Variants in RGS5 observed in about 807,000 individuals in gnomAD.
The protein encoded by RGS5 is regulator of G protein signaling 5.
Under a neutral mutation model 18.9 loss-of-function variants are expected in RGS5, and 20 were observed. The ratio of observed to expected loss-of-function variants is 1.06; its 90% CI spans 0.74 to 1.54. The LOEUF (loss-of-function observed/expected upper bound fraction) is 1.54. Among genes scored for constraint, RGS5 ranks in the 40% most tolerant of loss-of-function variants. RGS5 has a pLI of 0.00. For synonymous variants in RGS5, 57 were observed against 76.2 expected (o/e 0.75, Z 1.31); for missense variants, 201 against 211.8 (o/e 0.95, Z 0.32).
At chr1:163,267,522 A>G (rs1266367387) in intron 2 of RGS5, among the ~76,000 whole-genome samples, 1 of 152,112 alleles carries the variant, frequency 6.6e-6, no homozygotes, top group Admixed American at 6.6e-5. Flanking sequence ...CCTCATGTCT[A>G]TATGTCATCC....
intron 2 of RGS5, among the ~76,000 whole-genome samples, chr1:163,282,548 C>T (rs1020742727): frequency 1.4e-4 from 22 of 151,910 alleles, no homozygotes; most frequent in African/African-American, 5.3e-4. Context: ...TCTATGAAAA[C>T]ATTTTTTAAA....
chr1:163,288,074 T>C (rs768619363), intron 2 of RGS5, among the ~76,000 whole-genome samples: 27 of 152,024 alleles, frequency 1.8e-4, no homozygotes, highest in African/African-American at 3.4e-4. Flanking sequence ...TTCTAGAAAT[T>C]AGATAAATTT....
chr1:163,170,300 C>T (rs953589352), intron 1 of RGS5, among the ~76,000 whole-genome samples: 8 of 152,174 alleles, frequency 5.3e-5, no homozygotes, highest in Admixed American at 4.6e-4. Flanking sequence ...AACCCCTGTG[C>T]CTAGCACAAT....
At chr1:163,298,074 C>T (rs1212136926) in intron 2 of RGS5, among the ~76,000 whole-genome samples, 2 of 151,670 alleles carry the variant, frequency 1.3e-5, no homozygotes, top group Admixed American at 1.3e-4. Context: ...CTTTAATTTC[C>T]TTGTTTGATA....
chr1:163,308,053 C>G (rs537256354), intron 1 of RGS5, among the ~76,000 whole-genome samples: 2 of 152,256 alleles, frequency 1.3e-5, no homozygotes, highest in South Asian at 4.1e-4. Flanking sequence ...GTTTAAAGTT[C>G]CTAAACCCAG....
chr1:163,227,604 G>A (rs1198963133), intron 2 of RGS5, among the ~76,000 whole-genome samples: 1 of 136,242 alleles, frequency 7.3e-6, no homozygotes, highest in Non-Finnish European at 1.5e-5. Context: ...CAAATCTCAT[G>A]TCCTCACATT....
At chr1:163,223,100 C>T (rs1647265207) in intron 2 of RGS5, among the ~76,000 whole-genome samples, 1 of 152,252 alleles carries the variant, frequency 6.6e-6, no homozygotes, top group East Asian at 1.9e-4. Context: ...CCACCTCGGT[C>T]TCTCAAAGTG....
intron 3 of RGS5, among the ~76,000 whole-genome samples, chr1:163,159,017 C>A (rs528133865): frequency 6.6e-6 from 1 of 152,150 alleles, no homozygotes; most frequent in Non-Finnish European, 1.5e-5. Context: ...AAGAATTCAG[C>A]GATATTTCTC....
intron 2 of RGS5, among the ~76,000 whole-genome samples, chr1:163,303,614 G>A (rs965705572): frequency 3.5e-4 from 53 of 152,156 alleles, no homozygotes; most frequent in African/African-American, 1.3e-3. Context: ...ACTCATTTGA[G>A]ACTGGCATTA....
At chr1:163,194,419 T>C (rs1426900485) in intron 1 of RGS5, among the ~76,000 whole-genome samples, 2 of 152,130 alleles carry the variant, frequency 1.3e-5, no homozygotes, top group Non-Finnish European at 1.5e-5. Flanking sequence ...ATACATGGTG[T>C]CCCAATTCAG....
At position 163,209,113 on chromosome 1, in the gene RGS5, T is replaced by C. The variant is rs1002056677; in HGVS notation, c.69+8413A>G. ...TTCTATGATTGCAGTGAATTAAAACTAGATGTGATTAACAAAACCAAAAAG... is the reference window on the plus strand; with the variant it reads ...TTCTATGATTGCAGTGAATTAAAACCAGATGTGATTAACAAAACCAAAAAG... On this transcript the variant is annotated intron_variant, in intron 1 of 5. Coordinates refer to the RGS5 transcript ENST00000367903. Among the ~76,000 whole-genome samples the C allele has an allele frequency of 3.9e-5, 6 of 152,282 alleles. 1 individual carries two copies. In the South Asian group the frequency reaches 1.0e-3, roughly 26 times the overall value.
At chr1:163,268,493 T>G (rs1648629981) in intron 2 of RGS5, among the ~76,000 whole-genome samples, 1 of 152,142 alleles carries the variant, frequency 6.6e-6, no homozygotes, top group Non-Finnish European at 1.5e-5. Flanking sequence ...CACCGAGGGC[T>G]AGCTAATTCC....
At chr1:163,152,486 G>C in intron 4 of RGS5, 64 bp downstream of exon 4, 1 of 1,507,174 alleles carries the variant, frequency 6.6e-7, no homozygotes. Flanking sequence ...CTGTGTCTCA[G>C]ATGTAAATCC....
At chr1:163,164,481 C>T (rs1657956340) in intron 2 of RGS5, among the ~76,000 whole-genome samples, 1 of 152,236 alleles carries the variant, frequency 6.6e-6, no homozygotes, top group African/African-American at 2.4e-5. Flanking sequence ...TCTCTTTTTA[C>T]TCTACTCTTA....
chr1:163,229,367 TG>T (rs1029973597), intron 2 of RGS5, among the ~76,000 whole-genome samples: 1 of 152,126 alleles, frequency 6.6e-6, no homozygotes, highest in Non-Finnish European at 1.5e-5. Flanking sequence ...GAGAACAGCA[TG>T]GGGGAAGCCT....
chr1:163,199,517 C>T (rs1008512032), intron 1 of RGS5, among the ~76,000 whole-genome samples: 16 of 152,082 alleles, frequency 1.1e-4, no homozygotes, highest in Admixed American at 9.8e-4. Flanking sequence ...GATATCCTTA[C>T]CCATTATATA....
chr1:163,289,382 T>C (rs1649222417), intron 2 of RGS5, among the ~76,000 whole-genome samples: 1 of 152,100 alleles, frequency 6.6e-6, no homozygotes, highest in African/African-American at 2.4e-5. Context: ...TCAGATACTT[T>C]GTATACTCTA....
At chr1:163,221,228 T>C (rs181107835), upstream of RGS5, among the ~76,000 whole-genome samples, 1 of 152,306 alleles carries the variant, frequency 6.6e-6, no homozygotes, top group Admixed American at 6.5e-5. Flanking sequence ...CCGGGCGCGG[T>C]GGCTCATTCC....
chr1:163,151,827 C>A (rs1657386743), intron 4 of RGS5, among the ~76,000 whole-genome samples: 1 of 152,150 alleles, frequency 6.6e-6, no homozygotes, highest in Non-Finnish European at 1.5e-5. Context: ...GGTTGAACAT[C>A]ACTTATCTGG....
Sources: allele counts gnomAD v4.1 joint callset (sites outside exome capture counted in the v4.1 genomes callset), GRCh38; gene constraint gnomAD v4.1.1; transcripts MANE v1.5; gene names NCBI Gene and HGNC (gene_info 2026-07-23, HGNC 2026-07-21).